The following SCAF11 variants were observed in gnomAD, a reference collection of about 807,000 sequenced individuals.
The protein encoded by SCAF11 is protein SCAF11.
SCAF11 carries 47 observed loss-of-function variants against 140.5 expected under a neutral mutation model. The observed-to-expected ratio is 0.33, with a 90% confidence interval of 0.26 to 0.43. The LOEUF is 0.43. Among genes scored for constraint, SCAF11 ranks in the 20% least tolerant of loss-of-function variants. SCAF11 has a pLI of 1.00. For synonymous variants in SCAF11, 557 were observed against 579.4 expected, an observed-to-expected ratio of 0.96 and a Z score of 0.55; for missense variants, 1,645 against 1,705.1, an observed-to-expected ratio of 0.96 and a Z score of 0.62.
chr12:45,991,029 G>A (rs1008870831), upstream of SCAF11, among the ~76,000 whole-genome samples: 3 of 152,252 alleles, frequency 2.0e-5, no homozygotes, highest in African/African-American at 7.2e-5. Flanking sequence ...TGCGCAGGGT[G>A]TGCTCCTTAT....
rs138051342 is a variant in SCAF11 at position 45,925,022 on chromosome 12, A to C, written c.3612T>G (p.Pro1204=). Reference sequence around the variant, plus strand: ...TCATTTGCGGTTGCATCATATTTATAGGTAGCTGAGAACCATCAACTTGCT... The same window carrying C: ...TCATTTGCGGTTGCATCATATTTATCGGTAGCTGAGAACCATCAACTTGCT... ...TNQQVDGSQL[P]INMMQPQMNV... The change falls in exon 12 of 15, where the codon CCT becomes CCG. Residue 1204 remains proline (P), a synonymous_variant. Transcript: ENST00000369367. 1.2e-6 allele frequency: 2 copies of C among 1,614,192 alleles called. No individual in the cohort carries two copies. Among genetic ancestry groups the C allele is most frequent in the Non-Finnish European group, 8.5e-7 (1 of 1,180,008 alleles).
At chr12:45,935,032 G>C (rs1296619999) in intron 6 of SCAF11, 1 of 152,288 alleles carries the variant, frequency 6.6e-6, no homozygotes. Context: ...TTTATACTAA[G>C]ATGGAAAAGT....
At chr12:45,982,376 A>G (rs2136665274) in intron 1 of SCAF11, among the ~76,000 whole-genome samples, 1 of 152,324 alleles carries the variant, frequency 6.6e-6, no homozygotes, top group African/African-American at 2.4e-5. Context: ...CCATCTAGGC[A>G]TACAAAATAG....
intron 1 of SCAF11, among the ~76,000 whole-genome samples, chr12:45,982,445 G>A (rs951096032): frequency 2.0e-5 from 3 of 152,170 alleles, no homozygotes; most frequent in Non-Finnish European, 4.4e-5. Flanking sequence ...AGTGGCTCAT[G>A]ACTGTAATCC....
intron 6 of SCAF11, among the ~76,000 whole-genome samples, chr12:45,940,933 T>C (rs1945282703): frequency 6.6e-6 from 1 of 152,068 alleles, no homozygotes; most frequent in African/African-American, 2.4e-5. Flanking sequence ...GCCTCCCGAG[T>C]AGCTGGGACT....
At chr12:45,970,195 C>T (rs1273379759) in intron 1 of SCAF11, among the ~76,000 whole-genome samples, 1 of 152,062 alleles carries the variant, frequency 6.6e-6, no homozygotes. Context: ...CGCCCGGCCT[C>T]AACTAATTTT....
chr12:45,940,966 G>C (rs1239043943), intron 6 of SCAF11, among the ~76,000 whole-genome samples: 1 of 152,024 alleles, frequency 6.6e-6, no homozygotes, highest in Non-Finnish European at 1.5e-5. Context: ...CACCACACTT[G>C]GCTAATTTTT....
rs932843619 is a variant in SCAF11, at chr12:45,920,327, C to G, written c.*1721G>C. ...CACATAAAATTGAGAAACAGATAAT[C>G]TTTACTTTAGAAAAGCACAGTTCTA... is the stretch of plus-strand genomic sequence containing the variant. On this transcript the variant is annotated 3_prime_UTR_variant, in exon 15 of 15. Transcript: ENST00000369367. 100 of 152,270 alleles carry G rather than the reference C, an allele frequency of 6.6e-4. No homozygotes were observed. The highest frequency in any genetic ancestry group is 2.3e-3 in the African/African-American group (97 of 41,562). The allele number at this position is 152,270 out of a possible 1,614,324, so 9.4% of individuals were successfully genotyped here. A position where few individuals can be genotyped will look rare whatever the true frequency, so the allele number is the denominator to read the frequency against.
rs879884551 is a variant in SCAF11 at position 45,966,338 on chromosome 12, A to AT, written c.-21-2151dup. On this transcript the variant is annotated intron_variant, in intron 1 of 14. Transcript: ENST00000369367. The stretch of plus-strand genomic sequence containing the variant: ...CAAAGGCCCAGTGATCTTTTGTGGG[A>AT]TTTTTTTTTTTTTAGCTCCAAGATT... Among the ~76,000 whole-genome samples the AT allele has an allele frequency of 1.5e-3, 211 of 145,212 alleles. 1 individual carries two copies. Among genetic ancestry groups the AT allele is most frequent in the East Asian group, 0.01 (51 of 5,030 alleles).
intron 6 of SCAF11, among the ~76,000 whole-genome samples, chr12:45,941,616 A>C (rs757233340): frequency 3.0e-4 from 46 of 152,106 alleles, no homozygotes; most frequent in Admixed American, 7.9e-4. Flanking sequence ...AGAATTCTTC[A>C]TTATACCCTC....
chr12:45,924,052 T>C (rs537647394), intron 12 of SCAF11, among the ~76,000 whole-genome samples: 1 of 152,278 alleles, frequency 6.6e-6, no homozygotes, highest in Admixed American at 6.5e-5. Context: ...GGTTTCACCA[T>C]GTTGGCCAGG....
At chr12:45,983,742 A>AACACACAC (rs55655357) in intron 1 of SCAF11, among the ~76,000 whole-genome samples, 26,896 of 133,710 alleles carry the variant, frequency 0.2, 3,046 homozygotes, top group Non-Finnish European at 0.26. Context: ...CTAAACCTAA[A>AACACACAC]ACACACACAC....
At chr12:45,951,963 T>C (rs977448881) in intron 3 of SCAF11, among the ~76,000 whole-genome samples, 3 of 152,192 alleles carry the variant, frequency 2.0e-5, no homozygotes, top group South Asian at 2.1e-4. Flanking sequence ...CCCATTAAGA[T>C]ATGCTGCCCG....
intron 1 of SCAF11, among the ~76,000 whole-genome samples, chr12:45,977,912 G>C (rs546539217): frequency 2.0e-5 from 3 of 152,240 alleles, no homozygotes; most frequent in Admixed American, 2.0e-4. Context: ...TTCTAAGGCA[G>C]AGTTGCAGAA....
chr12:45,926,994 G>T lies in SCAF11; in HGVS notation c.2707C>A (p.Pro903Thr), dbSNP rs1944886095. The change falls in exon 11 of 15, where the codon CCA becomes ACA. Residue 903 changes from proline to threonine, a missense_variant. Pro to Thr is a conservative substitution (Grantham distance 38). Transcript: ENST00000369367. The part of the protein sequence containing the change: ...RSQPRVKDSS[P>T]GEKSRSQSRE... ...CTCTGGGACCTGGATTTTTCTCCTGGGGAAGAATCTTTCACTCTTGGCTGA... is the reference window on the plus strand; with the variant it reads ...CTCTGGGACCTGGATTTTTCTCCTGTGGAAGAATCTTTCACTCTTGGCTGA... The T allele has an allele frequency of 6.2e-7, 1 of 1,613,012 alleles. No individual in the cohort carries two copies. The highest frequency in any genetic ancestry group is 8.5e-7 in the Non-Finnish European group (1 of 1,179,984).
intron 11 of SCAF11, among the ~76,000 whole-genome samples, chr12:45,925,751 G>A (rs1448869152): frequency 6.6e-6 from 1 of 151,564 alleles, no homozygotes; most frequent in Non-Finnish European, 1.5e-5. Flanking sequence ...AAAAAAACAA[G>A]GAAATATAAA....
At chr12:45,939,117 A>G (rs1336414438) in intron 6 of SCAF11, among the ~76,000 whole-genome samples, 2 of 151,536 alleles carry the variant, frequency 1.3e-5, no homozygotes, top group African/African-American at 4.9e-5. Context: ...AAAACTAGAC[A>G]GTTTATATAA....
chr12:45,955,502 G>GAGT (rs1945666621), intron 3 of SCAF11: 1 of 152,424 alleles, frequency 6.6e-6, no homozygotes, highest in Admixed American at 6.5e-5. Context: ...CTTATATCCA[G>GAGT]CAGATATCTA....
At position 45,951,721 on chromosome 12, in the gene SCAF11, C is replaced by A; in HGVS notation, c.226G>T (p.Ala76Ser). ...GGTTTACGGTCAATAGGACATGAAG[C>A]CAGTGTCTGAAAAGTGATTAACAAA... ...TCILKWAETLASCPIDRKPFQ... is the reference protein window; with the variant it reads ...TCILKWAETLSSCPIDRKPFQ... Residue 76 changes from alanine to serine, a missense_variant, in exon 4 of 15, where the codon GCT (alanine) becomes TCT (serine). By Grantham distance (99) the Ala-to-Ser change is moderately conservative. This residue lies in a region of SCAF11 where 1,582 missense variants were observed against 1,609.2 expected (regional missense o/e 0.98). Coordinates refer to ENST00000369367, the MANE Select transcript of SCAF11 (RefSeq NM_004719.3). The A allele has an allele frequency of 6.3e-7, 1 of 1,579,698 alleles. No homozygotes were observed. The highest frequency in any genetic ancestry group is 8.6e-7 in the Non-Finnish European group (1 of 1,157,750).
Sources: allele counts gnomAD v4.1 joint callset (sites outside exome capture counted in the v4.1 genomes callset), GRCh38; gene constraint gnomAD v4.1.1; regional missense constraint gnomAD v4.1.1; transcripts MANE v1.5; gene names NCBI Gene and HGNC (gene_info 2026-07-23, HGNC 2026-07-21).